Variants in FGFR4 observed in about 807,000 individuals in gnomAD.
The protein encoded by FGFR4 is hydroxyaryl-protein kinase.
A neutral mutation model predicts 89.9 loss-of-function variants in FGFR4; 63 were observed. The ratio of observed to expected loss-of-function variants is 0.70; its 90% CI spans 0.57 to 0.86. The LOEUF (loss-of-function observed/expected upper bound fraction) is 0.86, where lower values mean the gene tolerates loss of function less well. Among genes scored for constraint, FGFR4 ranks in the 40% least tolerant of loss-of-function variants. The pLI, the probability that FGFR4 is intolerant of heterozygous loss-of-function variation, is 0.00. For missense variants in FGFR4, 928 were observed against 1,106.7 expected, an observed-to-expected ratio of 0.84 and a Z score of 2.29; for synonymous variants, 486 against 479.4, an observed-to-expected ratio of 1.01 and a Z score of -0.18.
chr5:177,093,445 T>A lies in FGFR4; in HGVS notation c.1291T>A (p.Ser431Thr). Reference sequence around the variant, plus strand: ...AGGCTCTTCCGGCAAGTCAAGCTCATCCCTGGTACGAGGCGTGCGTCTCTC... The same window carrying A: ...AGGCTCTTCCGGCAAGTCAAGCTCAACCCTGGTACGAGGCGTGCGTCTCTC... ...ESGSSGKSSS[S>T]LVRGVRLSSS... The change falls in exon 10 of 18, where the codon TCC becomes ACC. Residue 431 changes from serine to threonine, a missense_variant. By Grantham distance (58) the Ser-to-Thr change is moderately conservative. This residue lies in a region of FGFR4 where 741 missense variants were observed against 836.9 expected (regional missense o/e 0.89). Transcript: ENST00000292408. This position sits in a 1 kb window ranked among gnomAD's most constrained non-coding sequence, Gnocchi z 5.8. The A allele has an allele frequency of 1.2e-6, 2 of 1,614,066 alleles. No individual in the cohort carries two copies. The highest frequency in any genetic ancestry group is 1.7e-6 in the Non-Finnish European group (2 of 1,179,964).
At position 177,095,035 on chromosome 5, in the gene FGFR4, C is replaced by T. The variant is rs31778; in HGVS notation, c.1520-295C>T. The T allele has an allele frequency of 0.29, 110,748 of 384,020 alleles. 17,772 individuals are homozygous for T. The highest frequency in any genetic ancestry group is 0.44 in the East Asian group (8,834 of 19,966). 23.8% of individuals were successfully genotyped at this position (384,020 alleles called of 1,614,324 possible). ...TTCCTTCCTGCTCCGAGCTCTTCCC[C>T]TCTCTCCTGTGTCCTGGGCCTGCCC... On this transcript the variant is annotated intron_variant, in intron 11 of 17. Coordinates refer to ENST00000292408, the MANE Select transcript of FGFR4 (RefSeq NM_213647.3). The surrounding 1 kb of genome is among the most constrained non-coding windows in gnomAD (Gnocchi z 5.7).
chr5:177,092,371 A>G lies in FGFR4; in HGVS notation c.778A>G (p.Thr260Ala). The change falls in exon 7 of 18, where the codon ACA (threonine) becomes GCA (alanine). Residue 260 changes from threonine to alanine, a missense_variant. By Grantham distance (58) the Thr-to-Ala change is moderately conservative (BLOSUM62 0). Around this residue, in one of 5 missense-constraint regions of FGFR4, gnomAD observed 741 missense variants for 836.9 expected, o/e 0.89. Coordinates refer to ENST00000292408, the MANE Select transcript of FGFR4 (RefSeq NM_213647.3). ...ILQAGLPANT[T>A]AVVGSDVELL... ...GCAGGCCGGGCTCCCGGCCAACACC[A>G]CAGCCGTGGTGGGCAGCGACGTGGA... is the stretch of plus-strand genomic sequence containing the variant. 1 of 1,605,138 alleles carries G rather than the reference A, an allele frequency of 6.2e-7. No homozygotes were observed. Among genetic ancestry groups the G allele is most frequent in the Non-Finnish European group, 8.5e-7 (1 of 1,173,626 alleles).
chr5:177,095,731 C>T lies in FGFR4; in HGVS notation c.1821+8C>T, dbSNP rs750209505. ...TATCTGGAGTCCCGGAAGGTACAGG[C>T]GCTAGGGCTCTGAGCCCCTCTCAGT... On this transcript the variant is annotated splice_region_variant and intron_variant, in intron 13 of 17. Coordinates refer to ENST00000292408, the MANE Select transcript of FGFR4 (RefSeq NM_213647.3). The surrounding 1 kb of genome is among the most constrained non-coding windows in gnomAD (Gnocchi z 5.7). The T allele has an allele frequency of 7.0e-6, 11 of 1,579,306 alleles. No homozygotes were observed. The highest frequency in any genetic ancestry group is 2.3e-5 in the South Asian group (2 of 85,974).
At chr5:177,090,259 C>A in intron 2 of FGFR4, 131 bp from the exon 3 acceptor site, 1 of 1,321,722 alleles carries the variant, frequency 7.6e-7, no homozygotes, top group Non-Finnish European at 1.1e-6. Flanking sequence ...GTGTGGGTGT[C>A]AAGGAGTGGT....
At chr5:177,092,248 G>A in intron 6 of FGFR4, 73 bp from the exon 7 acceptor site, 1 of 1,440,238 alleles carries the variant, frequency 6.9e-7, no homozygotes, top group Non-Finnish European at 9.3e-7. Context: ...ACTTGAGGAA[G>A]GCTGGAGGGA....
Position 177,095,427 on chromosome 5 carries a change from C to T in FGFR4, c.1617C>T (p.Val539=). The T allele has an allele frequency of 1.2e-6, 2 of 1,614,224 alleles. No homozygotes were observed. Among genetic ancestry groups the T allele is most frequent in the South Asian group, 2.2e-5 (2 of 91,086 alleles). ...RHKNIINLLG[V]CTQEGPLYVI... is the part of the protein sequence containing the mutation. ...AGAACATCATCAACCTGCTTGGTGT[C>T]TGCACCCAGGAAGGTGGGGCCGAGG... is the stretch of plus-strand genomic sequence containing the variant. Residue 539 remains valine (V), a synonymous_variant, in exon 12 of 18, where the codon GTC becomes GTT. Coordinates refer to ENST00000292408, the MANE Select transcript of FGFR4 (RefSeq NM_213647.3). The surrounding 1 kb of genome is among the most constrained non-coding windows in gnomAD (Gnocchi z 5.7).
chr5:177,095,543 C>CG lies in FGFR4; in HGVS notation c.1642dup (p.Val548GlyfsTer34). On this transcript the variant is annotated frameshift_variant, in exon 13 of 18. Transcript: ENST00000292408. LOFTEE classifies it high-confidence loss of function. This position sits in a 1 kb window ranked among gnomAD's most constrained non-coding sequence, Gnocchi z 5.7. Reference sequence around the variant, plus strand: ...CCACTCCCTCTGCAGGGCCCCTGTACGTGATCGTGGAGTGCGCCGCCAAGG... The same window carrying CG: ...CCACTCCCTCTGCAGGGCCCCTGTACGGTGATCGTGGAGTGCGCCGCCAAGG... 2 of 1,611,024 alleles carry CG rather than the reference C, an allele frequency of 1.2e-6. No homozygotes were observed. Among genetic ancestry groups the CG allele is most frequent in the Non-Finnish European group, 1.7e-6 (2 of 1,178,620 alleles).
chr5:177,092,494 T>C lies in FGFR4; in HGVS notation c.901T>C (p.Tyr301His). Reference protein sequence around the residue: ...GSSFGADGFPYVQVLKTADIN... With the variant: ...GSSFGADGFPHVQVLKTADIN... ...CAGCTTCGGAGCCGACGGTTTCCCCTATGTGCAAGTCCTAAAGGTAAAAGG... is the reference window on the plus strand; with the variant it reads ...CAGCTTCGGAGCCGACGGTTTCCCCCATGTGCAAGTCCTAAAGGTAAAAGG... Residue 301 changes from tyrosine to histidine, a missense_variant, in exon 7 of 18, where the codon TAT becomes CAT. Physicochemically the swap from Tyr to His is moderately conservative, Grantham distance 83 (BLOSUM62 2). This residue lies in a region of FGFR4 where 741 missense variants were observed against 836.9 expected (regional missense o/e 0.89). Coordinates refer to ENST00000292408, the MANE Select transcript of FGFR4 (RefSeq NM_213647.3). The C allele has an allele frequency of 6.3e-7, 1 of 1,588,584 alleles. No homozygotes were observed.
chr5:177,088,083 C>T (rs1461920868), intron 1 of FGFR4, among the ~76,000 whole-genome samples: 1 of 151,942 alleles, frequency 6.6e-6, no homozygotes, highest in African/African-American at 2.4e-5. Context: ...GACGGAGTCT[C>T]ACTCTGTCGC....
intron 1 of FGFR4, among the ~76,000 whole-genome samples, chr5:177,088,806 A>G (rs905605426): frequency 4.2e-5 from 3 of 71,024 alleles, no homozygotes; most frequent in African/African-American, 1.5e-4. Context: ...AGAACATTCC[A>G]ACACTCTGCG....
At chr5:177,092,272 C>A (rs1218489229) in intron 6 of FGFR4, 49 bp from the exon 7 acceptor site, 2 of 1,496,992 alleles carry the variant, frequency 1.3e-6, no homozygotes, top group Non-Finnish European at 1.8e-6. Context: ...AAACAGGGTG[C>A]TTCTATGGGT....
At chr5:177,089,906 G>A (rs1448592000) in intron 2 of FGFR4, 1 of 749,702 alleles carries the variant, frequency 1.3e-6, no homozygotes, top group South Asian at 1.5e-5. Context: ...GGCCTTGCAG[G>A]GCGCAGGGCC....
rs968495498 is a variant in FGFR4, at chr5:177,089,675, T to A, written c.73T>A (p.Ser25Thr). 6.2e-7 allele frequency: 1 copy of A among 1,613,714 alleles called. No homozygotes were observed. Among genetic ancestry groups the A allele is most frequent in the African/African-American group, 1.3e-5 (1 of 74,852 alleles). The change falls in exon 2 of 18, where the codon TCT becomes ACT. Residue 25 changes from serine (S) to threonine (T), a missense_variant. Physicochemically the swap from Ser to Thr is moderately conservative, Grantham distance 58. This residue lies in a region of FGFR4 where 741 missense variants were observed against 836.9 expected (regional missense o/e 0.89). Transcript: ENST00000292408. ...GCCTCCAGTCTTGTCCCTGGAGGCC[T>A]CTGAGGAAGTGGAGCTTGGTATGGC... ...PGPPVLSLEA[S>T]EEVELEPCLA...
In FGFR4 at chr5:177,097,358, G is replaced by C. The variant is rs1254921374; in HGVS notation, c.2220G>C (p.Val740=). 1 of 1,612,020 alleles carries C rather than the reference G, an allele frequency of 6.2e-7. No homozygotes were observed. The highest frequency in any genetic ancestry group is 1.3e-5 in the African/African-American group (1 of 74,828). ...PSQRPTFKQL[V]EALDKVLLAV... ...AGAGGCCTACCTTCAAGCAGCTGGT[G>C]GAGGCGCTGGACAAGGTCCTGCTGG... The change falls in exon 17 of 18, where the codon GTG becomes GTC. Residue 740 remains valine, a synonymous_variant. Transcript: ENST00000292408.
rs1271281763 is a variant in FGFR4, at chr5:177,087,339, C to T, written c.-54+262C>T. On this transcript the variant is annotated intron_variant, in intron 1 of 17. Coordinates refer to ENST00000292408, the MANE Select transcript of FGFR4 (RefSeq NM_213647.3). The surrounding 1 kb of genome is among the most constrained non-coding windows in gnomAD (Gnocchi z 6.1). ...CAGGCTGGCCCTGTGCAGCTACCCT[C>T]GGGACCCATTGATTCGCACCTCCCC... 2 of 152,452 alleles carry T rather than the reference C, an allele frequency of 1.3e-5. No individual in the cohort carries two copies. Among genetic ancestry groups the T allele is most frequent in the African/African-American group, 4.8e-5 (2 of 41,460 alleles). The allele number at this position is 152,452 out of a possible 1,614,324, so 9.4% of individuals were successfully genotyped here.
chr5:177,097,670 G>A lies in FGFR4; in HGVS notation c.2403G>A (p.Gln801=). The A allele has an allele frequency of 6.2e-7, 1 of 1,613,914 alleles. No homozygotes were observed. The highest frequency in any genetic ancestry group is 8.5e-7 in the Non-Finnish European group (1 of 1,179,894). Residue 801 remains glutamine (Q), a synonymous_variant, in exon 18 of 18, where the codon CAG becomes CAA. Coordinates refer to ENST00000292408, the MANE Select transcript of FGFR4 (RefSeq NM_213647.3). ...CCTTCCCCTTCGGGTCTGGGGTGCAGACATGAGCAAGGCTCAAGGCTGTGC... is the reference window on the plus strand; with the variant it reads ...CCTTCCCCTTCGGGTCTGGGGTGCAAACATGAGCAAGGCTCAAGGCTGTGC... ...SSSFPFGSGV[Q]T
rs746912741 is a variant in FGFR4 at position 177,095,453 on chromosome 5, C to T, written c.1630+13C>T. The stretch of plus-strand genomic sequence containing the variant: ...TGCACCCAGGAAGGTGGGGCCGAGG[C>T]GGGGCTGGCTGCACGGGCCGTTAGG... On this transcript the variant is annotated intron_variant, in intron 12 of 17. Coordinates refer to ENST00000292408, the MANE Select transcript of FGFR4 (RefSeq NM_213647.3). This position sits in a 1 kb window ranked among gnomAD's most constrained non-coding sequence, Gnocchi z 5.7. 2.0e-5 allele frequency: 32 copies of T among 1,614,020 alleles called. No individual in the cohort carries two copies. The highest frequency in any genetic ancestry group is 1.3e-4 in the African/African-American group (10 of 75,052).
chr5:177,094,985 A>T (rs1406134948), intron 11 of FGFR4: 1 of 283,604 alleles, frequency 3.5e-6, no homozygotes, highest in African/African-American at 2.2e-5. Context: ...ACTACCGCTG[A>T]CCCCTCCAGC....
intron 2 of FGFR4, chr5:177,089,956 G>A (rs1444628484): frequency 2.9e-6 from 2 of 685,932 alleles, no homozygotes; most frequent in Non-Finnish European, 2.7e-6. Context: ...CTCCTTACCT[G>A]GGTGTGTGTG....
Sources: allele counts gnomAD v4.1 joint callset (sites outside exome capture counted in the v4.1 genomes callset), GRCh38; gene constraint gnomAD v4.1.1; regional missense constraint gnomAD v4.1.1; non-coding constraint Gnocchi (gnomAD v3.1); transcripts MANE v1.5; gene names NCBI Gene and HGNC (gene_info 2026-07-23, HGNC 2026-07-21).